Variants in CLASP1 observed in about 807,000 individuals in gnomAD.
The protein encoded by CLASP1 is CLIP-associating protein 1.
In CLASP1, 38 loss-of-function variants were observed where a neutral mutation model predicts 192.3. That is an observed-to-expected ratio of 0.20 (90% CI 0.15 to 0.26). The LOEUF (loss-of-function observed/expected upper bound fraction) is 0.26, where lower values mean the gene tolerates loss of function less well. CLASP1 is among the 10% of genes least tolerant of loss of function. The pLI, the probability that CLASP1 is intolerant of heterozygous loss-of-function variation, is 1.00. For synonymous variants in CLASP1, 691 were observed against 712.8 expected (o/e 0.97, Z 0.49); for missense variants, 1,433 against 1,932.5 (o/e 0.74, Z 4.85).
chr2:121,419,733 G>C (rs780287536), intron 22 of CLASP1, among the ~76,000 whole-genome samples: 1 of 151,952 alleles, frequency 6.6e-6, no homozygotes, highest in Non-Finnish European at 1.5e-5. Flanking sequence ...TACATTACTG[G>C]GAAAATACTC....
At chr2:121,521,497 G>A (rs1332026060) in intron 6 of CLASP1, among the ~76,000 whole-genome samples, 1 of 152,132 alleles carries the variant, frequency 6.6e-6, no homozygotes, top group Non-Finnish European at 1.5e-5. Flanking sequence ...CGAGCTACTG[G>A]CAGATCCCGG....
chr2:121,458,396 C>T (rs1361144243), intron 13 of CLASP1, among the ~76,000 whole-genome samples: 1 of 152,154 alleles, frequency 6.6e-6, no homozygotes, highest in African/African-American at 2.4e-5. Context: ...GCCTAGAAAA[C>T]CTAACCAAAG....
chr2:121,639,960 G>C (rs2071712818), intron 1 of CLASP1, among the ~76,000 whole-genome samples: 2 of 151,692 alleles, frequency 1.3e-5, no homozygotes, highest in South Asian at 4.2e-4. Context: ...ACAAAGACTT[G>C]GAACCAACCC....
chr2:121,554,167 G>T (rs1465750461), intron 2 of CLASP1, among the ~76,000 whole-genome samples: 3 of 151,954 alleles, frequency 2.0e-5, no homozygotes, highest in African/African-American at 7.2e-5. Flanking sequence ...AGTGAGCCAT[G>T]ATCACCCACT....
chr2:121,633,901 G>C (rs1329370087), intron 1 of CLASP1, among the ~76,000 whole-genome samples: 1 of 151,936 alleles, frequency 6.6e-6, no homozygotes, highest in East Asian at 1.9e-4. Context: ...CCGCTACTCG[G>C]TAGGCTGAGG....
At chr2:121,382,645 T>C (rs2072007384) in intron 32 of CLASP1, among the ~76,000 whole-genome samples, 2 of 152,216 alleles carry the variant, frequency 1.3e-5, no homozygotes, top group African/African-American at 4.8e-5. Context: ...TGTGTGTATC[T>C]GCATGCACTG....
intron 8 of CLASP1, among the ~76,000 whole-genome samples, chr2:121,492,685 A>T (rs1202385527): frequency 6.6e-6 from 1 of 151,986 alleles, no homozygotes; most frequent in Non-Finnish European, 1.5e-5. Context: ...AAAAAAAAAA[A>T]AAAACAAGCA....
chr2:121,425,330 T>C (rs750068365), intron 21 of CLASP1, 24 bp from the exon 22 acceptor site: 4 of 1,604,102 alleles, frequency 2.5e-6, no homozygotes, highest in Non-Finnish European at 3.4e-6. Context: ...AAAATGACAA[T>C]GAATAATAGA....
chr2:121,490,488 G>A (rs984518185), intron 8 of CLASP1, among the ~76,000 whole-genome samples: 1 of 152,118 alleles, frequency 6.6e-6, no homozygotes, highest in Non-Finnish European at 1.5e-5. Flanking sequence ...TTGGTGGCTG[G>A]GGGGAGGTGT....
chr2:121,552,470 A>G (rs1309273005), intron 2 of CLASP1, among the ~76,000 whole-genome samples: 1 of 152,260 alleles, frequency 6.6e-6, no homozygotes, highest in Non-Finnish European at 1.5e-5. Flanking sequence ...TCCAGCATCT[A>G]TAAGAAACTT....
At chr2:121,478,878 A>C (rs149130157) in intron 8 of CLASP1, among the ~76,000 whole-genome samples, 10 of 43,172 alleles carry the variant, frequency 2.3e-4, no homozygotes, top group Non-Finnish European at 2.4e-4. Context: ...ACACCACACC[A>C]CACACACACC....
At chr2:121,342,869 A>T (rs2062958325) in intron 39 of CLASP1, among the ~76,000 whole-genome samples, 1 of 152,146 alleles carries the variant, frequency 6.6e-6, no homozygotes, top group Non-Finnish European at 1.5e-5. Context: ...CCAGGAGGTC[A>T]AGGGTGCCAG....
intron 9 of CLASP1, among the ~76,000 whole-genome samples, chr2:121,468,952 G>A (rs916967314): frequency 7.2e-5 from 11 of 152,212 alleles, no homozygotes; most frequent in Admixed American, 1.3e-4. Context: ...AGTTTTCAGC[G>A]CTTTTGTGTT....
chr2:121,577,187 T>C (rs2060607373), intron 2 of CLASP1, among the ~76,000 whole-genome samples: 1 of 151,286 alleles, frequency 6.6e-6, no homozygotes, highest in African/African-American at 2.4e-5. Flanking sequence ...AGTATGGAGG[T>C]TCATTGTTTC....
intron 19 of CLASP1, 60 bp downstream of exon 19, chr2:121,447,277 G>A (rs1167563181): frequency 1.4e-6 from 2 of 1,454,244 alleles, no homozygotes; most frequent in Non-Finnish European, 9.4e-7. Flanking sequence ...TTGCTAAGAG[G>A]TTAAGAGTCA....
At chr2:121,385,279 C>T (rs574562256) in intron 32 of CLASP1, among the ~76,000 whole-genome samples, 1 of 152,194 alleles carries the variant, frequency 6.6e-6, no homozygotes, top group Admixed American at 6.5e-5. Flanking sequence ...GGCCATCTGG[C>T]TATTTACACA....
At chr2:121,345,821 G>A (rs1288918269) in intron 39 of CLASP1, among the ~76,000 whole-genome samples, 4 of 152,342 alleles carry the variant, frequency 2.6e-5, no homozygotes, top group Admixed American at 2.6e-4. Context: ...CCCCCCAGAG[G>A]GCATCTGGCC....
chr2:121,537,071 T>C (rs1200717651), intron 2 of CLASP1, among the ~76,000 whole-genome samples: 1 of 152,154 alleles, frequency 6.6e-6, no homozygotes, highest in Non-Finnish European at 1.5e-5. Context: ...GTGAATGTAC[T>C]ATAAACCACT....
chr2:121,454,551 T>TA (rs909156832), intron 14 of CLASP1, among the ~76,000 whole-genome samples: 35 of 151,858 alleles, frequency 2.3e-4, no homozygotes, highest in African/African-American at 7.0e-4. Flanking sequence ...CAGATGAGCT[T>TA]AAAAAAAAAT....
Sources: allele counts gnomAD v4.1 joint callset (sites outside exome capture counted in the v4.1 genomes callset), GRCh38; gene constraint gnomAD v4.1.1; transcripts MANE v1.5; gene names NCBI Gene and HGNC (gene_info 2026-07-23, HGNC 2026-07-21).